Variants in ARHGAP32 observed in about 807,000 individuals in gnomAD.
ARHGAP32 encodes the protein rho GTPase-activating protein 32.
A neutral mutation model predicts 186.5 loss-of-function variants in ARHGAP32; 51 were observed. The ratio of observed to expected loss-of-function variants is 0.27; its 90% confidence interval spans 0.22 to 0.35. The LOEUF is 0.35. Among genes scored for constraint, ARHGAP32 ranks in the 10% least tolerant of loss-of-function variants. The probability of loss-of-function intolerance (pLI) is 1.00; values close to 1 mark genes in which losing one functional copy is unlikely to be tolerated. For missense variants in ARHGAP32, 2,186 were observed against 2,623.5 expected, an observed-to-expected ratio of 0.83 and a Z score of 3.64; for synonymous variants, 950 against 964.3, an observed-to-expected ratio of 0.99 and a Z score of 0.27.
intron 11 of ARHGAP32, among the ~76,000 whole-genome samples, chr11:129,019,928 C>A (rs1938525782): frequency 6.6e-6 from 1 of 151,964 alleles, no homozygotes; most frequent in African/African-American, 2.4e-5. Context: ...CCCGATTCTG[C>A]CAATAACTCA....
At chr11:129,150,044 A>AAGTTC (rs1943253488) in intron 2 of ARHGAP32, among the ~76,000 whole-genome samples, 1 of 151,714 alleles carries the variant, frequency 6.6e-6, no homozygotes, top group Admixed American at 6.6e-5. Context: ...GAGAAGAAAG[A>AAGTTC]AGTTCAGAGC....
chr11:129,038,649 G>A lies in ARHGAP32; in HGVS notation c.1045+2279C>T, dbSNP rs147439566. ...AATTAAAAACTGGGCAAAAGTGGGA[G>A]GTTGAGGTGGAAGGATCACTTGAAA... On this transcript the variant is annotated intron_variant, in intron 11 of 22. Coordinates refer to ENST00000682385, the MANE Select transcript of ARHGAP32 (RefSeq NM_001378024.1). 1.4e-3 allele frequency among the ~76,000 whole-genome samples: 220 copies of A among 151,852 alleles called. 3 individuals are homozygous for A. The highest frequency in any genetic ancestry group is 4.9e-3 in the African/African-American group (203 of 41,250).
upstream of ARHGAP32, among the ~76,000 whole-genome samples, chr11:129,193,526 CATATAATATATATATTAT>C (rs1420843202): frequency 5.6e-5 from 3 of 53,334 alleles, no homozygotes; most frequent in African/African-American, 2.2e-4. Flanking sequence ...GTCCCTAGAG[CATATAATATATATATTAT>C]ATATAATATA....
intron 1 of ARHGAP32, among the ~76,000 whole-genome samples, chr11:129,181,638 A>T (rs1486818468): frequency 6.6e-6 from 1 of 152,152 alleles, no homozygotes; most frequent in Non-Finnish European, 1.5e-5. Context: ...ATTCCTAAAA[A>T]ATAAAGAAAC....
intron 15 of ARHGAP32, among the ~76,000 whole-genome samples, chr11:128,983,455 G>A (rs1945768194): frequency 6.6e-6 from 1 of 151,406 alleles, no homozygotes; most frequent in African/African-American, 2.4e-5. Context: ...GAGATCACAT[G>A]GACACAAGAA....
intron 2 of ARHGAP32, among the ~76,000 whole-genome samples, chr11:129,141,632 A>AG (rs1480867617): frequency 6.6e-6 from 1 of 151,860 alleles, no homozygotes; most frequent in Non-Finnish European, 1.5e-5. Flanking sequence ...TAAAAAAAAA[A>AG]AAAGAAAGAA....
rs559110504 is a variant in ARHGAP32 at position 129,023,091 on chromosome 11, A to AAC, written c.1045+17836_1045+17837insGT. 1.2e-3 allele frequency among the ~76,000 whole-genome samples: 177 copies of AAC among 152,288 alleles called. 2 individuals carry two copies. In the East Asian group the frequency reaches 0.031, roughly 27 times the overall value. On this transcript the variant is annotated intron_variant, in intron 11 of 22. Transcript: ENST00000682385. ...GAAAGAAAAATGTTCAACCTCTGTT[A>AAC]AGAAGTTGAACATACTAATCAGCCC...
chr11:129,268,024 T>C (rs1238396424), intron 1 of ARHGAP32, among the ~76,000 whole-genome samples: 7 of 152,160 alleles, frequency 4.6e-5, no homozygotes, highest in African/African-American at 1.7e-4. Flanking sequence ...AACCTCCTAT[T>C]AGGCCCCAAC....
chr11:129,146,473 C>T (rs78116670), intron 2 of ARHGAP32, among the ~76,000 whole-genome samples: 3,831 of 152,132 alleles, frequency 0.025, 158 homozygotes, highest in African/African-American at 0.083. Context: ...CAGTACTCTC[C>T]GTGGTTTCTT....
chr11:128,999,239 T>C (rs1946286340), intron 11 of ARHGAP32, among the ~76,000 whole-genome samples: 1 of 152,200 alleles, frequency 6.6e-6, no homozygotes. Flanking sequence ...GTGTCTGTCT[T>C]ATGCAGTTGT....
intron 2 of ARHGAP32, among the ~76,000 whole-genome samples, chr11:129,163,187 T>C (rs1430773470): frequency 1.3e-5 from 2 of 152,166 alleles, no homozygotes; most frequent in African/African-American, 4.8e-5. Flanking sequence ...TTGCTGTGCC[T>C]GAGTGAAAGA....
At chr11:128,980,471 C>T in intron 18 of ARHGAP32, 82 bp downstream of exon 18, 1 of 1,184,944 alleles carries the variant, frequency 8.4e-7, no homozygotes, top group East Asian at 2.5e-5. Flanking sequence ...TACTAAAATA[C>T]AAAATTAAAA....
At chr11:129,012,985 C>T (rs534272615) in intron 11 of ARHGAP32, among the ~76,000 whole-genome samples, 1 of 152,326 alleles carries the variant, frequency 6.6e-6, no homozygotes, top group South Asian at 2.1e-4. Context: ...TAGTCAAAAG[C>T]AGTCTGTGCA....
chr11:129,192,096 C>T lies in ARHGAP32; in HGVS notation c.103G>A (p.Glu35Lys), dbSNP rs1239336406. ...TTCCATAATCACCTGAACTTCTCTT[C>T]CCTTTCTTCCTCTTCACAGTCAGTC... is the stretch of plus-strand genomic sequence containing the variant. ...QVTDCEEEER[E>K]EKFRKMKSSV... The change falls in exon 1 of 23, where the codon GAA (glutamate) becomes AAA (lysine). Residue 35 changes from glutamate (E) to lysine (K), a missense_variant. By Grantham distance (56) the Glu-to-Lys change is moderately conservative. Transcript: ENST00000682385. The T allele has an allele frequency of 1.2e-6, 2 of 1,612,874 alleles. No individual in the cohort carries two copies. Among genetic ancestry groups the T allele is most frequent in the South Asian group, 2.2e-5 (2 of 91,050 alleles).
At chr11:128,982,619 G>A (rs1945739665) in intron 15 of ARHGAP32, among the ~76,000 whole-genome samples, 1 of 151,964 alleles carries the variant, frequency 6.6e-6, no homozygotes, top group Non-Finnish European at 1.5e-5. Flanking sequence ...GGGTGTGATG[G>A]CTATTGCCTG....
Position 129,008,714 on chromosome 11 carries a change from T to A in ARHGAP32, c.1046-10246A>T, listed in dbSNP as rs1323307226. Among the ~76,000 whole-genome samples, 4 of 152,232 alleles carry A rather than the reference T, an allele frequency of 2.6e-5. No individual in the cohort carries two copies. In the East Asian group the frequency reaches 7.7e-4, roughly 29 times the overall value. On this transcript the variant is annotated intron_variant, in intron 11 of 22. Coordinates refer to ENST00000682385, the MANE Select transcript of ARHGAP32 (RefSeq NM_001378024.1). Reference sequence around the variant, plus strand: ...TTAAAACTTACTTGCAATCTCAATATAATGTTGATGCTATCTCTGACATGT... The same window carrying A: ...TTAAAACTTACTTGCAATCTCAATAAAATGTTGATGCTATCTCTGACATGT...
At chr11:129,125,690 T>C (rs1384938881) in intron 2 of ARHGAP32, among the ~76,000 whole-genome samples, 1 of 152,088 alleles carries the variant, frequency 6.6e-6, no homozygotes, top group Non-Finnish European at 1.5e-5. Context: ...ATACTTTTTT[T>C]TTTAAATAGG....
At chr11:128,991,784 CAT>C (rs935239635) in intron 12 of ARHGAP32, among the ~76,000 whole-genome samples, 103 of 152,214 alleles carry the variant, frequency 6.8e-4, no homozygotes, top group African/African-American at 2.4e-3. Context: ...ATAAGAAGTA[CAT>C]ATTTAAATTA....
At chr11:129,133,515 C>A (rs900517486) in intron 2 of ARHGAP32, among the ~76,000 whole-genome samples, 2 of 151,924 alleles carry the variant, frequency 1.3e-5, no homozygotes, top group Non-Finnish European at 2.9e-5. Flanking sequence ...TGAGAGCATC[C>A]AGAAACAAAA....
Sources: gnomAD v4.1 joint callset for allele counts (sites outside exome capture counted in the v4.1 genomes callset) on GRCh38, gnomAD v4.1.1 for gene constraint, MANE v1.5 for transcripts, NCBI Gene and HGNC (gene_info 2026-07-23, HGNC 2026-07-21) for gene names.